MMP16: variants seen among roughly 807,000 people sequenced by gnomAD.
MMP16 encodes matrix metalloproteinase-16.
MMP16 carries 12 observed loss-of-function variants against 67.8 expected under a neutral mutation model. That is an observed-to-expected ratio of 0.18 (90% confidence interval 0.11 to 0.29). MMP16 has a LOEUF of 0.29. MMP16 is among the 10% of genes least tolerant of loss of function. MMP16 has a pLI of 1.00. For synonymous variants in MMP16, 249 were observed against 255.9 expected (o/e 0.97, Z 0.26); for missense variants, 475 against 765.7 (o/e 0.62, Z 4.48).
At chr8:88,089,831 G>T (rs1329298006) in intron 6 of MMP16, among the ~76,000 whole-genome samples, 1 of 151,742 alleles carries the variant, frequency 6.6e-6, no homozygotes, top group Non-Finnish European at 1.5e-5. Flanking sequence ...ATTGCTAAGT[G>T]AACAAAACCA....
intron 4 of MMP16, among the ~76,000 whole-genome samples, chr8:88,163,182 A>G (rs2129688637): frequency 6.6e-6 from 1 of 152,178 alleles, no homozygotes; most frequent in Non-Finnish European, 1.5e-5. Context: ...CATGTCAGTT[A>G]CAGAAAGCTA....
At chr8:88,132,191 T>C (rs1808041340) in intron 4 of MMP16, among the ~76,000 whole-genome samples, 1 of 151,810 alleles carries the variant, frequency 6.6e-6, no homozygotes, top group Non-Finnish European at 1.5e-5. Context: ...GTAAAAAAAA[T>C]AAAGATTGTG....
At chr8:88,134,088 T>C (rs932685779) in intron 4 of MMP16, among the ~76,000 whole-genome samples, 2 of 151,784 alleles carry the variant, frequency 1.3e-5, no homozygotes, top group Admixed American at 1.3e-4. Flanking sequence ...TGTAAAACAC[T>C]TGTGGAAAAA....
intron 7 of MMP16, among the ~76,000 whole-genome samples, chr8:88,062,353 C>T (rs1808410091): frequency 6.6e-6 from 1 of 152,072 alleles, no homozygotes; most frequent in East Asian, 1.9e-4. Flanking sequence ...AAGACATATG[C>T]ACACGTATGT....
intron 4 of MMP16, among the ~76,000 whole-genome samples, chr8:88,133,255 T>C (rs1808063440): frequency 6.6e-6 from 1 of 151,848 alleles, no homozygotes; most frequent in Admixed American, 6.6e-5. Flanking sequence ...AGCTTCAAAA[T>C]CTGCTACTTT....
intron 6 of MMP16, among the ~76,000 whole-genome samples, chr8:88,086,970 A>C (rs1485293680): frequency 6.6e-6 from 1 of 151,854 alleles, no homozygotes; most frequent in Non-Finnish European, 1.5e-5. Context: ...AGGGAGAGAA[A>C]AACAGAGACA....
intron 1 of MMP16, among the ~76,000 whole-genome samples, chr8:88,288,303 A>C (rs898764599): frequency 3.3e-5 from 5 of 152,244 alleles, no homozygotes; most frequent in African/African-American, 9.6e-5. Context: ...AATGCAGTTA[A>C]GCAGTTGCAG....
chr8:88,302,145 G>A (rs181049582), intron 1 of MMP16, among the ~76,000 whole-genome samples: 13 of 151,496 alleles, frequency 8.6e-5, no homozygotes, highest in African/African-American at 3.2e-4. Context: ...CAGGTTCCCA[G>A]ATGCCCTATT....
chr8:88,194,230 G>C (rs1304398576), intron 2 of MMP16, among the ~76,000 whole-genome samples: 1 of 151,722 alleles, frequency 6.6e-6, no homozygotes. Flanking sequence ...TGCCAAAAAA[G>C]GATATAATTA....
chr8:88,247,316 G>C (rs1412807231), intron 1 of MMP16, among the ~76,000 whole-genome samples: 1 of 152,094 alleles, frequency 6.6e-6, no homozygotes, highest in Admixed American at 6.6e-5. Context: ...CTACTGTCTA[G>C]CACTTTCTAT....
intron 9 of MMP16, among the ~76,000 whole-genome samples, chr8:88,043,780 C>T (rs941716024): frequency 1.3e-5 from 2 of 152,086 alleles, no homozygotes; most frequent in South Asian, 2.1e-4. Flanking sequence ...GTTTTTCAGC[C>T]GAGAGTTGGT....
At chr8:88,220,411 T>C (rs1809662973) in intron 1 of MMP16, among the ~76,000 whole-genome samples, 1 of 152,152 alleles carries the variant, frequency 6.6e-6, no homozygotes, top group Non-Finnish European at 1.5e-5. Flanking sequence ...CCTTTGTCTG[T>C]ATGTCTAGAT....
In MMP16 at chr8:88,229,662, G is replaced by A. The variant is rs1809827949; in HGVS notation, c.133-32356C>T. Among the ~76,000 whole-genome samples, 3 of 151,768 alleles carry A rather than the reference G, an allele frequency of 2.0e-5. No homozygotes were observed. In the South Asian group the frequency reaches 6.2e-4, roughly 32 times the overall value. On this transcript the variant is annotated intron_variant, in intron 1 of 9. Coordinates refer to ENST00000286614, the MANE Select transcript of MMP16 (RefSeq NM_005941.5). ...ATCCAGAGGCACCCAGTCAGTGAAG[G>A]GGCCACAGCTATGACTTAATCACCT...
intron 2 of MMP16, among the ~76,000 whole-genome samples, chr8:88,189,411 C>T (rs2129761918): frequency 6.6e-6 from 1 of 152,138 alleles, no homozygotes; most frequent in Middle Eastern, 3.4e-3. Context: ...CTTCTAATGC[C>T]CACACTAGAT....
chr8:88,101,287 A>T (rs1809140106), intron 6 of MMP16, among the ~76,000 whole-genome samples: 1 of 151,846 alleles, frequency 6.6e-6, no homozygotes, highest in South Asian at 2.1e-4. Context: ...CAGATTCATA[A>T]AATAAATAGA....
chr8:88,151,857 T>G (rs1296104332), intron 4 of MMP16, among the ~76,000 whole-genome samples: 1 of 107,548 alleles, frequency 9.3e-6, no homozygotes, highest in Non-Finnish European at 1.8e-5. Context: ...AAGAAATAAC[T>G]AAAATCAGAG....
intron 1 of MMP16, among the ~76,000 whole-genome samples, chr8:88,200,461 C>T (rs1809326152): frequency 6.6e-6 from 1 of 151,950 alleles, no homozygotes; most frequent in Non-Finnish European, 1.5e-5. Flanking sequence ...GAATTACATT[C>T]CTGTTTTACT....
At chr8:88,099,158 G>T (rs1049119709) in intron 6 of MMP16, among the ~76,000 whole-genome samples, 3 of 151,230 alleles carry the variant, frequency 2.0e-5, no homozygotes, top group Non-Finnish European at 4.4e-5. Flanking sequence ...AAGAATATAA[G>T]AATTTTTTTA....
intron 4 of MMP16, among the ~76,000 whole-genome samples, chr8:88,130,998 T>A (rs1808018628): frequency 6.6e-6 from 1 of 151,750 alleles, no homozygotes; most frequent in Non-Finnish European, 1.5e-5. Context: ...TTTAATTATG[T>A]CTTGATTGCA....
Sources: allele counts gnomAD v4.1 joint callset (sites outside exome capture counted in the v4.1 genomes callset), GRCh38; gene constraint gnomAD v4.1.1; transcripts MANE v1.5; gene names NCBI Gene and HGNC (gene_info 2026-07-23, HGNC 2026-07-21).